Variants in DLGAP1 observed in about 807,000 individuals in gnomAD.
DLGAP1 encodes DLG associated protein 1.
DLGAP1 carries 11 observed loss-of-function variants against 90.8 expected under a neutral mutation model. The ratio of observed to expected loss-of-function variants is 0.12; its 90% confidence interval spans 0.08 to 0.20. The LOEUF is 0.20. DLGAP1 is among the 10% of genes least tolerant of loss of function. The pLI is 1.00. For missense variants in DLGAP1, 1,050 were observed against 1,333.8 expected, an observed-to-expected ratio of 0.79 and a Z score of 3.31; for synonymous variants, 558 against 540.7, an observed-to-expected ratio of 1.03 and a Z score of -0.44.
chr18:4,423,163 C>A (rs1432960341), intron 1 of DLGAP1, among the ~76,000 whole-genome samples: 1 of 152,106 alleles, frequency 6.6e-6, no homozygotes, highest in Admixed American at 6.5e-5. Context: ...TCTACCAATT[C>A]TTCCCAAAGC....
rs989730408 is a variant in DLGAP1, at chr18:3,711,567, G to A, written c.1591+17568C>T. 6.6e-6 allele frequency among the ~76,000 whole-genome samples: 1 copy of A among 152,220 alleles called. No individual in the cohort carries two copies. The highest frequency in any genetic ancestry group is 1.5e-5 in the Non-Finnish European group (1 of 68,036). ...ATAAGACAGAAATCCAGCCGGGTGT[G>A]GTGGCTCATGCTTCTAATGCCGGCA... On this transcript the variant is annotated intron_variant, in intron 7 of 12. Coordinates refer to ENST00000315677, the MANE Select transcript of DLGAP1 (RefSeq NM_004746.4). The surrounding 1 kb of genome is among the most constrained non-coding windows in gnomAD (Gnocchi z 4.0).
intron 7 of DLGAP1, among the ~76,000 whole-genome samples, chr18:3,632,826 G>T (rs2066196746): frequency 1.3e-5 from 2 of 152,132 alleles, no homozygotes; most frequent in Non-Finnish European, 2.9e-5. Context: ...GACCGTTCAG[G>T]TGATGTAAAT....
intron 1 of DLGAP1, among the ~76,000 whole-genome samples, chr18:4,255,162 A>G (rs1247378341): frequency 6.6e-6 from 1 of 152,198 alleles, no homozygotes; most frequent in Non-Finnish European, 1.5e-5. Flanking sequence ...TATGGAAAAG[A>G]GCGCACAGTC....
intron 1 of DLGAP1, among the ~76,000 whole-genome samples, chr18:4,369,568 C>T (rs2081865978): frequency 6.6e-6 from 1 of 151,802 alleles, no homozygotes; most frequent in African/African-American, 2.4e-5. Context: ...AATTAAAATA[C>T]CTACTGAATA....
intron 3 of DLGAP1, among the ~76,000 whole-genome samples, chr18:3,908,776 A>G (rs1362777557): frequency 6.6e-6 from 1 of 152,196 alleles, no homozygotes; most frequent in African/African-American, 2.4e-5. Context: ...TTAGTAAACT[A>G]CGTGAAAAGT....
intron 7 of DLGAP1, chr18:3,597,866 A>G (rs3888654): frequency 0.35 from 54,244 of 153,586 alleles, 9,857 homozygotes; most frequent in Middle Eastern, 0.44. Flanking sequence ...GGCCCCCCTG[A>G]TCTGTGTAGT....
intron 2 of DLGAP1, among the ~76,000 whole-genome samples, chr18:4,036,723 T>C (rs2074894691): frequency 6.6e-6 from 1 of 152,138 alleles, no homozygotes; most frequent in Non-Finnish European, 1.5e-5. Context: ...CATTCAATCA[T>C]TATGATTTAA....
rs1307039374 is a variant in DLGAP1, at chr18:4,087,070, TA to T, written c.-159+64109del. Among the ~76,000 whole-genome samples, 27 of 80,068 alleles carry T rather than the reference TA, an allele frequency of 3.4e-4. 1 individual carries two copies. The East Asian group carries it at 4.9e-3, about 15-fold the overall frequency. 52.5% of individuals were successfully genotyped at this position (80,068 alleles called of 152,430 possible). On this transcript the variant is annotated intron_variant, in intron 2 of 12. Transcript: ENST00000315677. ...AAACACATATATATATACACACACT[TA>T]TATATACATATATGTATATATGTAT...
intron 3 of DLGAP1, chr18:3,983,672 C>T (rs185924652): frequency 1.3e-5 from 2 of 152,218 alleles, no homozygotes; most frequent in Admixed American, 6.5e-5. Context: ...TATGGCATTC[C>T]TCATACCCCA....
chr18:4,074,635 G>C (rs574152250), intron 2 of DLGAP1, among the ~76,000 whole-genome samples: 65 of 151,232 alleles, frequency 4.3e-4, no homozygotes, highest in Non-Finnish European at 8.3e-4. Flanking sequence ...ATGAGTTTTT[G>C]TTGCTGTTTT....
intron 7 of DLGAP1, among the ~76,000 whole-genome samples, chr18:3,659,692 A>G (rs956266306): frequency 8.6e-5 from 13 of 151,808 alleles, no homozygotes. Context: ...CAGCGTCCCG[A>G]GTAGCTGGGA....
intron 3 of DLGAP1, among the ~76,000 whole-genome samples, chr18:3,997,421 C>T (rs1251188673): frequency 6.3e-5 from 3 of 47,506 alleles, no homozygotes; most frequent in African/African-American, 3.0e-4. Flanking sequence ...CCCCTAGGCT[C>T]GGTTAAACAG....
chr18:4,212,026 T>C (rs1469322745), intron 1 of DLGAP1, among the ~76,000 whole-genome samples: 1 of 152,174 alleles, frequency 6.6e-6, no homozygotes, highest in Non-Finnish European at 1.5e-5. Flanking sequence ...AATGTATGCA[T>C]TTACCACACT....
At chr18:3,531,665 G>A (rs1031342743) in intron 10 of DLGAP1, among the ~76,000 whole-genome samples, 1 of 151,206 alleles carries the variant, frequency 6.6e-6, no homozygotes, top group African/African-American at 2.4e-5. Flanking sequence ...GTATTTTTAC[G>A]AGAGATGGGG....
chr18:3,892,939 TA>T (rs2071513111), intron 3 of DLGAP1, among the ~76,000 whole-genome samples: 1 of 149,510 alleles, frequency 6.7e-6, no homozygotes, highest in Non-Finnish European at 1.5e-5. Context: ...TTTATAGGTT[TA>T]GGGGATACAA....
intron 1 of DLGAP1, among the ~76,000 whole-genome samples, chr18:4,199,389 T>C (rs150713282): frequency 1.3e-5 from 2 of 152,252 alleles, no homozygotes; most frequent in Non-Finnish European, 2.9e-5. Context: ...AGAATACTTA[T>C]AATCAACAAC....
In DLGAP1 at chr18:3,979,128, C is replaced by T. The variant is rs146348782; in HGVS notation, c.-73+25988G>A. On this transcript the variant is annotated intron_variant, in intron 3 of 12. Transcript: ENST00000315677. ...ACATTATGCTAAATGAAATAAGCCA[C>T]GCACAGAAAAACCACTATGGTCATG... Among the ~76,000 whole-genome samples, 5 of 152,314 alleles carry T rather than the reference C, an allele frequency of 3.3e-5. 1 individual carries two copies. The South Asian group carries it at 6.2e-4, about 19-fold the overall frequency.
At chr18:4,091,293 A>T (rs1467923443) in intron 2 of DLGAP1, among the ~76,000 whole-genome samples, 1 of 152,208 alleles carries the variant, frequency 6.6e-6, no homozygotes, top group East Asian at 1.9e-4. Context: ...ATTCTTCTGA[A>T]TCTAAGATGT....
At chr18:3,841,445 C>G (rs1268699444) in intron 4 of DLGAP1, among the ~76,000 whole-genome samples, 1 of 152,138 alleles carries the variant, frequency 6.6e-6, no homozygotes, top group Non-Finnish European at 1.5e-5. Context: ...GGCAAATGAA[C>G]ACTGGCAGGC....
Sources: gnomAD v4.1 joint callset for allele counts (sites outside exome capture counted in the v4.1 genomes callset) on GRCh38, gnomAD v4.1.1 for gene constraint, Gnocchi (gnomAD v3.1) non-coding constraint, MANE v1.5 for transcripts, NCBI Gene and HGNC (gene_info 2026-07-23, HGNC 2026-07-21) for gene names.